CACNG2: variants seen among roughly 807,000 people sequenced by gnomAD.
The protein encoded by CACNG2 is voltage-dependent calcium channel gamma-2 subunit.
In CACNG2, 3 loss-of-function variants were observed where a neutral mutation model predicts 25.9. The ratio of observed to expected loss-of-function variants is 0.12; its 90% CI spans 0.05 to 0.30. CACNG2 has a LOEUF of 0.30. Among genes scored for constraint, CACNG2 ranks in the 10% least tolerant of loss-of-function variants. The pLI is 1.00. For missense variants in CACNG2, 341 were observed against 432.5 expected, an observed-to-expected ratio of 0.79 and a Z score of 1.88; for synonymous variants, 167 against 173.3, an observed-to-expected ratio of 0.96 and a Z score of 0.29.
chr22:36,644,543 G>T (rs75718414), intron 1 of CACNG2, among the ~76,000 whole-genome samples: 3,459 of 152,330 alleles, frequency 0.023, 142 homozygotes, highest in African/African-American at 0.078. Flanking sequence ...AAGACAAACT[G>T]CATGATCAAG....
intron 1 of CACNG2, among the ~76,000 whole-genome samples, chr22:36,657,777 C>T (rs777261242): frequency 4.6e-5 from 7 of 151,842 alleles, no homozygotes; most frequent in Non-Finnish European, 7.4e-5. Flanking sequence ...GTTTCCTTTG[C>T]TATGGCTCAG....
At chr22:36,596,234 C>T (rs529872494) in intron 1 of CACNG2, among the ~76,000 whole-genome samples, 2 of 152,202 alleles carry the variant, frequency 1.3e-5, no homozygotes, top group Non-Finnish European at 2.9e-5. Context: ...GTGTTTTCAA[C>T]CTTTGCTGCT....
At chr22:36,595,459 C>T (rs1454203134) in intron 1 of CACNG2, among the ~76,000 whole-genome samples, 4 of 152,184 alleles carry the variant, frequency 2.6e-5, no homozygotes, top group Non-Finnish European at 4.4e-5. Context: ...CCACCTCCAG[C>T]CCAGGGAGCT....
chr22:36,640,968 G>A (rs147083963), intron 1 of CACNG2, among the ~76,000 whole-genome samples: 61 of 152,080 alleles, frequency 4.0e-4, no homozygotes, highest in African/African-American at 1.4e-3. Flanking sequence ...CCAAGGACTC[G>A]CAGGACCTAC....
intron 1 of CACNG2, among the ~76,000 whole-genome samples, chr22:36,640,087 G>GT (rs1230177216): frequency 6.6e-6 from 1 of 152,190 alleles, no homozygotes; most frequent in Admixed American, 6.5e-5. Flanking sequence ...ATGTCCAAGA[G>GT]TAGGGACTCT....
At chr22:36,645,358 A>G (rs131826) in intron 1 of CACNG2, among the ~76,000 whole-genome samples, 2 of 152,016 alleles carry the variant, frequency 1.3e-5, no homozygotes, top group African/African-American at 2.4e-5. Context: ...TAACACAGTG[A>G]AACCCCATCT....
At chr22:36,600,321 C>T (rs1372242386) in intron 1 of CACNG2, among the ~76,000 whole-genome samples, 1 of 152,074 alleles carries the variant, frequency 6.6e-6, no homozygotes, top group Non-Finnish European at 1.5e-5. Context: ...ATGATCATAG[C>T]TCACTGTGAC....
At chr22:36,597,108 C>T (rs1400498228) in intron 1 of CACNG2, among the ~76,000 whole-genome samples, 6 of 152,054 alleles carry the variant, frequency 3.9e-5, no homozygotes, top group Admixed American at 3.3e-4. Flanking sequence ...CTGCAACCTC[C>T]GCCTCCCAGG....
intron 1 of CACNG2, among the ~76,000 whole-genome samples, chr22:36,668,653 T>C (rs1042151199): frequency 6.6e-6 from 1 of 152,036 alleles, no homozygotes; most frequent in South Asian, 2.1e-4. Context: ...CCCTCCTGGC[T>C]AATTTTATTT....
At chr22:36,665,418 A>G (rs747123087) in intron 1 of CACNG2, among the ~76,000 whole-genome samples, 48 of 152,356 alleles carry the variant, frequency 3.2e-4, no homozygotes, top group Non-Finnish European at 6.0e-4. Flanking sequence ...TGAAGCAAGT[A>G]CACAGTGCCT....
chr22:36,572,139 C>G (rs571250259), intron 2 of CACNG2, among the ~76,000 whole-genome samples: 1 of 152,302 alleles, frequency 6.6e-6, no homozygotes, highest in African/African-American at 2.4e-5. Flanking sequence ...TATGAGTAAG[C>G]ATATGGCACT....
intron 1 of CACNG2, among the ~76,000 whole-genome samples, chr22:36,636,391 G>C (rs1250258512): frequency 5.9e-5 from 9 of 152,136 alleles, no homozygotes; most frequent in Admixed American, 5.9e-4. Context: ...CCTCCTTGAT[G>C]TTGCGCCTAG....
intron 1 of CACNG2, among the ~76,000 whole-genome samples, chr22:36,653,689 G>T (rs1254780305): frequency 2.0e-5 from 3 of 152,166 alleles, no homozygotes. Flanking sequence ...GGTGTCTGCA[G>T]ACATGGAAGG....
At chr22:36,670,181 G>A (rs1166450848) in intron 1 of CACNG2, among the ~76,000 whole-genome samples, 1 of 152,170 alleles carries the variant, frequency 6.6e-6, no homozygotes, top group Non-Finnish European at 1.5e-5. Flanking sequence ...ACTGTGAGCA[G>A]CGTTGGATGC....
chr22:36,694,428 C>T (rs1937306737), intron 1 of CACNG2, among the ~76,000 whole-genome samples: 1 of 152,108 alleles, frequency 6.6e-6, no homozygotes, highest in South Asian at 2.1e-4. Flanking sequence ...ACCAGCAATC[C>T]CACAGCTAGT....
In CACNG2 at chr22:36,587,421, G is replaced by A. The variant is rs773448084; in HGVS notation, c.295+44C>T. 3.7e-6 allele frequency: 5 copies of A among 1,368,898 alleles called. No individual in the cohort carries two copies. The South Asian group carries it at 5.8e-5, about 16-fold the overall frequency. The allele number at this position is 1,368,898 out of a possible 1,614,324, so 84.8% of individuals were successfully genotyped here. On this transcript the variant is annotated intron_variant, in intron 2 of 3. Coordinates refer to ENST00000300105, the MANE Select transcript of CACNG2 (RefSeq NM_006078.5). ...GACTCTGTGAAGGATGGAAGGGCAGGGCCCACCACCAGGAGGGAGATAAAA... is the reference window on the plus strand; with the variant it reads ...GACTCTGTGAAGGATGGAAGGGCAGAGCCCACCACCAGGAGGGAGATAAAA...
intron 1 of CACNG2, among the ~76,000 whole-genome samples, chr22:36,639,981 G>C (rs1936418726): frequency 6.6e-6 from 1 of 152,158 alleles, no homozygotes; most frequent in African/African-American, 2.4e-5. Context: ...ATGGGAGTCA[G>C]TTTCAGTGTG....
chr22:36,643,410 C>T (rs1017667852), intron 1 of CACNG2, among the ~76,000 whole-genome samples: 2 of 152,054 alleles, frequency 1.3e-5, no homozygotes, highest in East Asian at 1.9e-4. Context: ...TAGAAATGAA[C>T]AAAATAGACA....
chr22:36,665,154 C>G (rs1488034588), intron 1 of CACNG2, among the ~76,000 whole-genome samples: 1 of 152,212 alleles, frequency 6.6e-6, no homozygotes, highest in East Asian at 1.9e-4. Flanking sequence ...CTCCAAGCCT[C>G]CAGCTTCTCT....
Sources: allele counts gnomAD v4.1 joint callset (sites outside exome capture counted in the v4.1 genomes callset), GRCh38; gene constraint gnomAD v4.1.1; transcripts MANE v1.5; gene names NCBI Gene and HGNC (gene_info 2026-07-23, HGNC 2026-07-21).